Variants in OPCML observed in about 807,000 individuals in gnomAD.
OPCML encodes the protein opioid binding protein/cell adhesion molecule like, also known as opioid-binding protein/cell adhesion molecule.
Under a neutral mutation model 37.8 loss-of-function variants are expected in OPCML, and 13 were observed. That is an observed-to-expected ratio of 0.34 (90% CI 0.22 to 0.55). The LOEUF (loss-of-function observed/expected upper bound fraction) is 0.55. Ranked by LOEUF, OPCML falls within the 20% of genes least tolerant of loss-of-function variation. OPCML has a pLI of 0.91. For synonymous variants in OPCML, 176 were observed against 168.8 expected (o/e 1.04, Z -0.33); for missense variants, 341 against 435.6 (o/e 0.78, Z 1.93).
intron 4 of OPCML, among the ~76,000 whole-genome samples, chr11:132,457,128 T>A (rs1201705654): frequency 6.6e-6 from 1 of 152,096 alleles, no homozygotes; most frequent in Non-Finnish European, 1.5e-5. Flanking sequence ...ATTAGCATAA[T>A]CAACACATTT....
chr11:132,425,478 T>C (rs2095975004), intron 7 of OPCML, among the ~76,000 whole-genome samples: 1 of 152,210 alleles, frequency 6.6e-6, no homozygotes, highest in Admixed American at 6.5e-5. Context: ...CAGTTTATTT[T>C]ATGTATAAAA....
intron 2 of OPCML, among the ~76,000 whole-genome samples, chr11:132,883,839 G>A (rs1943310574): frequency 6.6e-6 from 1 of 152,184 alleles, no homozygotes; most frequent in Admixed American, 6.5e-5. Flanking sequence ...GAGCCCAGGG[G>A]TAGTGAACTG....
chr11:132,685,216 C>T (rs1943114886), intron 2 of OPCML, among the ~76,000 whole-genome samples: 1 of 152,206 alleles, frequency 6.6e-6, no homozygotes. Context: ...TGGATTTTCC[C>T]TTTCCGTTTT....
At chr11:132,480,608 G>A (rs2096176231) in intron 4 of OPCML, among the ~76,000 whole-genome samples, 1 of 152,096 alleles carries the variant, frequency 6.6e-6, no homozygotes, top group African/African-American at 2.4e-5. Flanking sequence ...AATGTTAAGG[G>A]CAGCCAGAGA....
intron 2 of OPCML, among the ~76,000 whole-genome samples, chr11:132,870,286 A>G (rs1259936237): frequency 6.6e-6 from 1 of 152,194 alleles, no homozygotes; most frequent in East Asian, 1.9e-4. Flanking sequence ...TCTCGAGGGC[A>G]ATAAAATTAA....
At chr11:132,827,807 A>ATTTTTT (rs71477776) in intron 2 of OPCML, among the ~76,000 whole-genome samples, 29,823 of 148,624 alleles carry the variant, frequency 0.2, 3,796 homozygotes, top group Non-Finnish European at 0.3. Context: ...GCCTGGCTGA[A>ATTTTTT]TTTTTTTTTT....
chr11:133,498,134 C>T (rs758685301), intron 1 of OPCML, among the ~76,000 whole-genome samples: 1 of 152,106 alleles, frequency 6.6e-6, no homozygotes, highest in Non-Finnish European at 1.5e-5. Context: ...GGCGGTTGCT[C>T]CAAGGCTTCC....
chr11:132,436,174 G>C lies in OPCML; in HGVS notation c.828C>G (p.Phe276Leu). The C allele has an allele frequency of 5.6e-6, 9 of 1,614,222 alleles. No individual in the cohort carries two copies. The highest frequency in any genetic ancestry group is 7.6e-6 in the Non-Finnish European group (9 of 1,180,030). The change falls in exon 7 of 8, where the codon TTC becomes TTG. Residue 276 changes from phenylalanine (F) to leucine (L), a missense_variant. Transcript: ENST00000524381. Reference protein sequence around the residue: ...ENKGRMSTLTFFNVSEKDYGN... With the variant: ...ENKGRMSTLTLFNVSEKDYGN... ...CATAATCCTTTTCTGAAACATTGAAGAAAGTCAGAGTGGACATGCGGCCTT... is the reference window on the plus strand; with the variant it reads ...CATAATCCTTTTCTGAAACATTGAACAAAGTCAGAGTGGACATGCGGCCTT...
intron 1 of OPCML, among the ~76,000 whole-genome samples, chr11:133,180,838 C>CAAAAAAAAAA (rs34333844): frequency 1.1e-5 from 1 of 93,616 alleles, no homozygotes; most frequent in African/African-American, 3.8e-5. Context: ...CTCAGCAAAG[C>CAAAAAAAAAA]AAAAAAAAAA....
chr11:133,349,210 A>G (rs1944071703), intron 1 of OPCML, among the ~76,000 whole-genome samples: 1 of 152,166 alleles, frequency 6.6e-6, no homozygotes, highest in South Asian at 2.1e-4. Flanking sequence ...TTGGCTAAAT[A>G]TTTTACAGTT....
At position 133,025,765 on chromosome 11, in the gene OPCML, G is replaced by C. The variant is rs573695584; in HGVS notation, c.62-82755C>G. On this transcript the variant is annotated intron_variant, in intron 1 of 7. Transcript: ENST00000524381. The stretch of plus-strand genomic sequence containing the variant: ...TTTTTTTTTTTTGAGATGGAGTCTC[G>C]ATCTGTCGCCCAGGCTGGAGTGCAG... 2.6e-3 allele frequency among the ~76,000 whole-genome samples: 327 copies of C among 124,110 alleles called. 1 individual carries two copies. The highest frequency in any genetic ancestry group is 9.6e-3 in the African/African-American group (300 of 31,334). 81.4% of individuals were successfully genotyped at this position (124,110 alleles called of 152,430 possible).
intron 1 of OPCML, among the ~76,000 whole-genome samples, chr11:133,020,699 T>A (rs143478844): frequency 2.0e-5 from 3 of 152,286 alleles, no homozygotes; most frequent in Non-Finnish European, 4.4e-5. Flanking sequence ...TCTTGGCTGA[T>A]ACCTGCACAC....
chr11:133,210,921 C>T (rs914898249), intron 1 of OPCML, among the ~76,000 whole-genome samples: 1 of 152,000 alleles, frequency 6.6e-6, no homozygotes, highest in Admixed American at 6.6e-5. Context: ...TTATTGGTGC[C>T]CTCTAGGAGC....
intron 1 of OPCML, among the ~76,000 whole-genome samples, chr11:133,439,683 G>A (rs973454936): frequency 4.0e-5 from 6 of 151,850 alleles, no homozygotes; most frequent in Non-Finnish European, 8.8e-5. Context: ...TAGCCAGGAT[G>A]GTCTCGATCT....
intron 1 of OPCML, among the ~76,000 whole-genome samples, chr11:132,959,434 A>T (rs1269393673): frequency 2.0e-5 from 3 of 152,246 alleles, no homozygotes; most frequent in African/African-American, 7.2e-5. Context: ...CTTAGCTGAT[A>T]AAGCAGCGGC....
intron 1 of OPCML, among the ~76,000 whole-genome samples, chr11:133,178,149 T>G (rs910599993): frequency 2.6e-5 from 4 of 152,076 alleles, no homozygotes; most frequent in African/African-American, 4.8e-5. Flanking sequence ...ACAAAGGCCA[T>G]GCAATATCAC....
intron 1 of OPCML, among the ~76,000 whole-genome samples, chr11:133,397,989 G>C (rs751945744): frequency 5.3e-5 from 8 of 152,178 alleles, no homozygotes; most frequent in Non-Finnish European, 1.5e-5. Context: ...TAGTGACAAT[G>C]ATGGATTTAA....
At chr11:132,557,889 G>T (rs1232326409) in intron 3 of OPCML, among the ~76,000 whole-genome samples, 1 of 152,152 alleles carries the variant, frequency 6.6e-6, no homozygotes, top group Non-Finnish European at 1.5e-5. Context: ...GGTATTTATA[G>T]ATAATGTGCT....
At chr11:132,841,189 G>C (rs1296831424) in intron 2 of OPCML, among the ~76,000 whole-genome samples, 1 of 152,188 alleles carries the variant, frequency 6.6e-6, no homozygotes, top group East Asian at 1.9e-4. Flanking sequence ...ACTTCGCACT[G>C]TGCTAGGGTG....
Sources: allele counts gnomAD v4.1 joint callset (sites outside exome capture counted in the v4.1 genomes callset), GRCh38; gene constraint gnomAD v4.1.1; transcripts MANE v1.5; gene names NCBI Gene and HGNC (gene_info 2026-07-23, HGNC 2026-07-21).